PDE10A: variants seen among roughly 807,000 people sequenced by gnomAD.
The protein encoded by PDE10A is phosphodiesterase 10A.
A neutral mutation model predicts 97.7 loss-of-function variants in PDE10A; 39 were observed. The observed-to-expected ratio is 0.40, with a 90% CI of 0.31 to 0.52. The LOEUF (loss-of-function observed/expected upper bound fraction) is 0.52, where lower values mean the gene tolerates loss of function less well. Ranked by LOEUF, PDE10A falls within the 20% of genes least tolerant of loss-of-function variation. The pLI is 0.56. For synonymous variants in PDE10A, 371 were observed against 376.8 expected (o/e 0.98, Z 0.18); for missense variants, 731 against 1,047.8 (o/e 0.70, Z 4.17).
At position 165,767,420 on chromosome 6, in the gene PDE10A, A is replaced by G. The variant is rs1666920049; in HGVS notation, c.-615+220109T>C. 3.3e-5 allele frequency among the ~76,000 whole-genome samples: 5 copies of G among 152,206 alleles called. No individual in the cohort carries two copies. In the South Asian group the frequency reaches 1.0e-3, roughly 32 times the overall value. On this transcript the variant is annotated intron_variant, in intron 1 of 19. Transcript: ENST00000366882. Reference sequence around the variant, plus strand: ...TCATAACCCGCAAGGGGAACTCCACATCCGTTGGCAGCCACTCTCCATTCC... The same window carrying G: ...TCATAACCCGCAAGGGGAACTCCACGTCCGTTGGCAGCCACTCTCCATTCC...
chr6:165,782,335 T>C (rs1778362006), intron 1 of PDE10A, among the ~76,000 whole-genome samples: 1 of 152,174 alleles, frequency 6.6e-6, no homozygotes, highest in Non-Finnish European at 1.5e-5. Context: ...TAGACGAGTC[T>C]CCTCCCTTAC....
intron 1 of PDE10A, among the ~76,000 whole-genome samples, chr6:165,690,437 C>T (rs1791240279): frequency 1.3e-5 from 2 of 152,304 alleles, no homozygotes; most frequent in Admixed American, 1.3e-4. Flanking sequence ...ATCTGGTCTC[C>T]CTGCCTTCAG....
intron 1 of PDE10A, among the ~76,000 whole-genome samples, chr6:165,601,635 C>T (rs894169045): frequency 6.6e-6 from 1 of 152,158 alleles, no homozygotes; most frequent in Non-Finnish European, 1.5e-5. Context: ...CTGAAGTTTT[C>T]GTGTTAAGAA....
intron 1 of PDE10A, among the ~76,000 whole-genome samples, chr6:165,835,112 G>C (rs1196225347): frequency 6.6e-6 from 1 of 152,182 alleles, no homozygotes; most frequent in Non-Finnish European, 1.5e-5. Flanking sequence ...TGCAGAGAGA[G>C]GTGGGGAAGG....
chr6:165,607,286 C>G (rs1787256437), intron 1 of PDE10A, among the ~76,000 whole-genome samples: 1 of 152,264 alleles, frequency 6.6e-6, no homozygotes, highest in Middle Eastern at 3.4e-3. Context: ...ATGTTTTGGT[C>G]AACAAGCGAC....
chr6:165,505,101 G>A (rs1185248420), intron 2 of PDE10A, among the ~76,000 whole-genome samples: 1 of 152,172 alleles, frequency 6.6e-6, no homozygotes, highest in Non-Finnish European at 1.5e-5. Context: ...TCTGCCTAGA[G>A]ATGATCCCTC....
rs528807685 is a variant in PDE10A, at chr6:165,479,183, T to C, written c.1023+3132A>G. The stretch of plus-strand genomic sequence containing the variant: ...ACAAAGCCTGTCTGCTCTTTCTTCT[T>C]CTACACCCAACCTCTGATCCTAGTT... On this transcript the variant is annotated intron_variant, in intron 3 of 21. Transcript: ENST00000539869. Among the ~76,000 whole-genome samples the C allele has an allele frequency of 4.6e-5, 7 of 152,242 alleles. No homozygotes were observed. The South Asian group carries it at 1.5e-3, about 32-fold the overall frequency.
chr6:165,649,373 G>A (rs181004042), intron 1 of PDE10A, among the ~76,000 whole-genome samples: 1 of 152,088 alleles, frequency 6.6e-6, no homozygotes, highest in African/African-American at 2.4e-5. Context: ...AGTCAGTGAG[G>A]GGACAGCAAA....
At chr6:165,457,189 A>G (rs1359814132) in intron 3 of PDE10A, among the ~76,000 whole-genome samples, 1 of 152,198 alleles carries the variant, frequency 6.6e-6, no homozygotes, top group South Asian at 2.1e-4. Flanking sequence ...CAATTACAAT[A>G]AGTATACTAA....
At chr6:165,622,254 CTGTATA>C (rs1788174449) in intron 1 of PDE10A, among the ~76,000 whole-genome samples, 2 of 150,390 alleles carry the variant, frequency 1.3e-5, no homozygotes, top group South Asian at 4.2e-4. Flanking sequence ...CTCTCTGTCT[CTGTATA>C]TGTGTGTTTG....
rs896958527 is a variant in PDE10A, at chr6:165,418,584, A to T, written c.1796+51T>A. On this transcript the variant is annotated intron_variant, in intron 11 of 21. Transcript: ENST00000539869. This position sits in a 1 kb window ranked among gnomAD's most constrained non-coding sequence, Gnocchi z 4.8. ...TAGGCACAGAAAAATGGGTAACGGA[A>T]CGCCTGCACATCTACCGTAAGAGGA... 2.6e-6 allele frequency: 4 copies of T among 1,559,686 alleles called. No individual in the cohort carries two copies. The African/African-American group carries it at 5.4e-5, about 21-fold the overall frequency.
chr6:165,943,172 GAAAAAAGA>G (rs1783594538), intron 1 of PDE10A, among the ~76,000 whole-genome samples: 2 of 60,284 alleles, frequency 3.3e-5, no homozygotes, highest in East Asian at 6.1e-4. Context: ...AAGAAAGAAA[GAAAAAAGA>G]AAGAAAGAAA....
At chr6:165,596,677 C>G (rs527462952) in intron 1 of PDE10A, among the ~76,000 whole-genome samples, 1 of 152,198 alleles carries the variant, frequency 6.6e-6, no homozygotes, top group South Asian at 2.1e-4. Flanking sequence ...CTGCAGGTAG[C>G]CATGATTGTA....
intron 1 of PDE10A, among the ~76,000 whole-genome samples, chr6:165,656,596 C>T (rs1490619130): frequency 6.6e-6 from 1 of 152,106 alleles, no homozygotes; most frequent in East Asian, 1.9e-4. Context: ...GTATCCTTAG[C>T]TTAGCCTAAG....
intron 1 of PDE10A, among the ~76,000 whole-genome samples, chr6:165,584,963 T>C (rs1785822805): frequency 6.6e-6 from 1 of 152,212 alleles, no homozygotes; most frequent in Non-Finnish European, 1.5e-5. Flanking sequence ...AGGGCTTCAA[T>C]GTTTATGAGT....
intron 13 of PDE10A, among the ~76,000 whole-genome samples, chr6:165,410,468 T>G (rs1386373963): frequency 3.6e-5 from 5 of 138,338 alleles, no homozygotes; most frequent in African/African-American, 1.1e-4. Flanking sequence ...ACAAAAAAAG[T>G]TCCGAAGATG....
At chr6:165,672,654 G>A (rs760549955) in intron 1 of PDE10A, among the ~76,000 whole-genome samples, 159 of 152,130 alleles carry the variant, frequency 1.0e-3, no homozygotes, top group Non-Finnish European at 1.6e-3. Flanking sequence ...CCCTTTGCTT[G>A]GCTCTCACAC....
intron 6 of PDE10A, 27 bp from the exon 7 acceptor site, chr6:165,433,156 T>C (rs1789721718): frequency 1.3e-6 from 2 of 1,573,144 alleles, no homozygotes; most frequent in Non-Finnish European, 1.7e-6. Context: ...CAAAAAGACA[T>C]AAATTCAGTG....
At chr6:165,695,886 T>C (rs1375486421) in intron 1 of PDE10A, among the ~76,000 whole-genome samples, 2 of 152,164 alleles carry the variant, frequency 1.3e-5, no homozygotes, top group African/African-American at 4.8e-5. Context: ...GAGCCAGAAT[T>C]TGATGTTTGT....
Sources: gnomAD v4.1 joint callset for allele counts (sites outside exome capture counted in the v4.1 genomes callset) on GRCh38, gnomAD v4.1.1 for gene constraint, Gnocchi (gnomAD v3.1) non-coding constraint, MANE v1.5 for transcripts, NCBI Gene and HGNC (gene_info 2026-07-23, HGNC 2026-07-21) for gene names.